Variants in PGS1 observed in about 807,000 individuals in gnomAD.
The protein encoded by PGS1 is phosphatidylglycerophosphate synthase 1, also known as CDP-diacylglycerol--glycerol-3-phosphate 3-phosphatidyltransferase, mitochondrial.
PGS1 carries 44 observed loss-of-function variants against 58.3 expected under a neutral mutation model. The ratio of observed to expected loss-of-function variants is 0.75; its 90% CI spans 0.59 to 0.97. The LOEUF (loss-of-function observed/expected upper bound fraction) is 0.97, where lower values mean the gene tolerates loss of function less well. Among genes scored for constraint, PGS1 ranks in the 50% least tolerant of loss-of-function variants. The probability of loss-of-function intolerance (pLI) is 0.00; values close to 1 mark genes in which losing one functional copy is unlikely to be tolerated. For missense variants in PGS1, 684 were observed against 731.1 expected (o/e 0.94, Z 0.74); for synonymous variants, 330 against 311.0 (o/e 1.06, Z -0.64).
intron 8 of PGS1, among the ~76,000 whole-genome samples, chr17:78,418,858 A>G (rs2085440156): frequency 6.6e-6 from 1 of 152,068 alleles, no homozygotes; most frequent in East Asian, 1.9e-4. Context: ...GATAGAAGAA[A>G]AACTGTGTCT....
intron 1 of PGS1, among the ~76,000 whole-genome samples, chr17:78,390,062 T>TCCCCCCCCCCCCCCCCCCCCCCGCC (rs1555628316): frequency 1.3e-4 from 17 of 128,584 alleles, no homozygotes; most frequent in Non-Finnish European, 2.0e-4. Context: ...TGTTGCCTGT[T>TCCCCCCCCCCCCCCCCCCCCCCGCC]CCCCCGCCCC....
chr17:78,411,366 G>A (rs956915454), intron 7 of PGS1, among the ~76,000 whole-genome samples: 5 of 152,230 alleles, frequency 3.3e-5, no homozygotes, highest in Non-Finnish European at 7.3e-5. Flanking sequence ...CAGAAGAGCA[G>A]GGGCAGGCGT....
At chr17:78,402,109 C>T (rs1041682103) in intron 6 of PGS1, among the ~76,000 whole-genome samples, 1 of 152,162 alleles carries the variant, frequency 6.6e-6, no homozygotes, top group Non-Finnish European at 1.5e-5. Context: ...AGTGTGACTC[C>T]TTTCTCCCCT....
In PGS1 at chr17:78,424,598, C is replaced by T. The variant is rs927920023; in HGVS notation, c.*548C>T. ...CAGACTGCTATTATTTCTACTCGCCCTATTTAATGGTGTTTTTATTTCCTG... is the reference window on the plus strand; with the variant it reads ...CAGACTGCTATTATTTCTACTCGCCTTATTTAATGGTGTTTTTATTTCCTG... On this transcript the variant is annotated 3_prime_UTR_variant, in exon 10 of 10. Transcript: ENST00000262764. 1 of 157,324 alleles carries T rather than the reference C, an allele frequency of 6.4e-6. No individual in the cohort carries two copies. The highest frequency in any genetic ancestry group is 2.4e-5 in the African/African-American group (1 of 41,566). The allele number at this position is 157,324 out of a possible 1,614,324, so 9.7% of individuals were successfully genotyped here.
intron 1 of PGS1, among the ~76,000 whole-genome samples, chr17:78,385,585 G>A (rs2082326558): frequency 6.6e-6 from 1 of 152,170 alleles, no homozygotes; most frequent in African/African-American, 2.4e-5. Context: ...CGCTGTGCCT[G>A]GCCTAATTTT....
At position 78,398,356 on chromosome 17, in the gene PGS1, G is replaced by C; in HGVS notation, c.511+5G>C. On this transcript the variant is annotated splice_donor_5th_base_variant and intron_variant, in intron 4 of 9. Transcript: ENST00000262764. ...ACTTCACGCGGGGCTCACGAGGTAG[G>C]TGGCATGCAAGCCTGGCCCCTCCTG... 3 of 1,605,764 alleles carry C rather than the reference G, an allele frequency of 1.9e-6. No homozygotes were observed. Among genetic ancestry groups the C allele is most frequent in the Middle Eastern group, 1.7e-4 (1 of 6,046 alleles).
At chr17:78,423,312 T>C (rs932788841) in intron 9 of PGS1, among the ~76,000 whole-genome samples, 3 of 152,148 alleles carry the variant, frequency 2.0e-5, no homozygotes, top group African/African-American at 7.2e-5. Context: ...GGCTTGCTTG[T>C]GGGAACGGCT....
In PGS1 at chr17:78,419,923, C is replaced by T. The variant is rs573542564; in HGVS notation, c.*10+248C>T. The T allele has an allele frequency of 1.4e-4, 168 of 1,229,964 alleles. 1 individual carries two copies. In the African/African-American group the frequency reaches 2.3e-3, roughly 17 times the overall value. The allele number at this position is 1,229,964 out of a possible 1,614,324, so 76.2% of individuals were successfully genotyped here. On this transcript the variant is annotated intron_variant, in intron 9 of 9. Coordinates refer to ENST00000262764, the MANE Select transcript of PGS1 (RefSeq NM_024419.5). Reference sequence around the variant, plus strand: ...AGTCCCAAGGCGCCTGTGCTGGGGTCGGCAGTGGCAGCCTGTAGTCCCCTT... The same window carrying T: ...AGTCCCAAGGCGCCTGTGCTGGGGTTGGCAGTGGCAGCCTGTAGTCCCCTT...
intron 1 of PGS1, among the ~76,000 whole-genome samples, chr17:78,389,805 G>A (rs760053837): frequency 6.6e-6 from 1 of 150,630 alleles, no homozygotes; most frequent in African/African-American, 2.4e-5. Flanking sequence ...TAGTAGAGAC[G>A]GGGTTTCACC....
intron 1 of PGS1, among the ~76,000 whole-genome samples, chr17:78,387,416 C>T (rs546704641): frequency 6.8e-6 from 1 of 146,558 alleles, no homozygotes; most frequent in East Asian, 2.0e-4. Context: ...TCTCCTTCCT[C>T]AGCCTCCCGA....
chr17:78,418,907 T>A (rs1011614358), intron 8 of PGS1, among the ~76,000 whole-genome samples: 3 of 152,148 alleles, frequency 2.0e-5, no homozygotes, highest in Non-Finnish European at 4.4e-5. Flanking sequence ...CATTACCTCG[T>A]TTAGTGAGGG....
chr17:78,386,814 A>C (rs1167684067), intron 1 of PGS1, among the ~76,000 whole-genome samples: 1 of 152,182 alleles, frequency 6.6e-6, no homozygotes. Context: ...ACATTGTGGA[A>C]AGCCGGGAAC....
rs747780414 is a variant in PGS1 at position 78,415,068 on chromosome 17, G to A, written c.1551+41G>A. ...TGGGATTTCCCAGGGCGCTGAGGGT[G>A]TGGCTGGGGGCCCAGGCTCACCCGT... On this transcript the variant is annotated intron_variant, in intron 8 of 9. Coordinates refer to ENST00000262764, the MANE Select transcript of PGS1 (RefSeq NM_024419.5). The A allele has an allele frequency of 3.9e-6, 6 of 1,537,446 alleles. No homozygotes were observed. The African/African-American group carries it at 7.6e-5, about 19-fold the overall frequency.
chr17:78,423,959 C>G (rs1568025512), intron 9 of PGS1, 102 bp from the exon 10 acceptor site: 7 of 1,613,876 alleles, frequency 4.3e-6, no homozygotes, highest in African/African-American at 2.7e-5. Context: ...GCTGCCTTCT[C>G]TTTGGTCTTC....
At chr17:78,405,827 TTGTCCTGGTTCTAG>T (rs1428863202) in intron 7 of PGS1, among the ~76,000 whole-genome samples, 1 of 152,188 alleles carries the variant, frequency 6.6e-6, no homozygotes, top group Non-Finnish European at 1.5e-5. Flanking sequence ...GCTCCTTCTC[TTGTCCTGGTTCTAG>T]TGGCTTTCGG....
chr17:78,383,416 C>G (rs749716514), intron 1 of PGS1, among the ~76,000 whole-genome samples: 1 of 152,028 alleles, frequency 6.6e-6, no homozygotes, highest in Non-Finnish European at 1.5e-5. Flanking sequence ...AGTAGAGACG[C>G]GGTTTCTCCA....
At chr17:78,411,824 G>C (rs902827008) in intron 7 of PGS1, among the ~76,000 whole-genome samples, 37 of 151,852 alleles carry the variant, frequency 2.4e-4, no homozygotes, top group African/African-American at 9.0e-4. Context: ...CATCCTGACT[G>C]GTGGTGCGGG....
intron 7 of PGS1, among the ~76,000 whole-genome samples, chr17:78,413,083 C>T (rs780947321): frequency 2.0e-5 from 3 of 152,230 alleles, no homozygotes; most frequent in African/African-American, 4.8e-5. Context: ...GTCCTGTGAA[C>T]GGCCTGCACG....
At chr17:78,414,704 C>A (rs573421366) in intron 7 of PGS1, among the ~76,000 whole-genome samples, 175 bp from the exon 8 acceptor site, 1 of 152,016 alleles carries the variant, frequency 6.6e-6, no homozygotes, top group Non-Finnish European at 1.5e-5. Flanking sequence ...CCTGCCGCGC[C>A]GGGGTGGGGG....
Sources: allele counts gnomAD v4.1 joint callset (sites outside exome capture counted in the v4.1 genomes callset), GRCh38; gene constraint gnomAD v4.1.1; transcripts MANE v1.5; gene names NCBI Gene and HGNC (gene_info 2026-07-23, HGNC 2026-07-21).